DNMT3A: variants seen among roughly 807,000 people sequenced by gnomAD.
The protein encoded by DNMT3A is DNA (cytosine-5)-methyltransferase 3A.
DNMT3A carries 267 observed loss-of-function variants against 117.6 expected under a neutral mutation model. That is an observed-to-expected ratio of 2.27 (90% CI 2.05 to 2.51). The LOEUF (loss-of-function observed/expected upper bound fraction) is 2.51. Among genes scored for constraint, DNMT3A ranks in the 30% most tolerant of loss-of-function variants. The pLI, the probability that DNMT3A is intolerant of heterozygous loss-of-function variation, is 0.00. For synonymous variants in DNMT3A, 432 were observed against 474.8 expected (o/e 0.91, Z 1.17); for missense variants, 1,029 against 1,260.2 (o/e 0.82, Z 2.78).
chr2:25,268,796 C>T (rs563890786), intron 6 of DNMT3A, among the ~76,000 whole-genome samples: 40 of 152,306 alleles, frequency 2.6e-4, no homozygotes, highest in African/African-American at 9.4e-4. Context: ...GGAAAAACCA[C>T]CTCGAAATCA....
chr2:25,308,630 C>T (rs1039973897), intron 2 of DNMT3A, among the ~76,000 whole-genome samples: 23 of 151,972 alleles, frequency 1.5e-4, no homozygotes, highest in African/African-American at 5.1e-4. Context: ...GAGGGTGCAG[C>T]GGCTTTTCTA....
chr2:25,273,631 G>A (rs2031137760), intron 6 of DNMT3A, among the ~76,000 whole-genome samples: 1 of 152,074 alleles, frequency 6.6e-6, no homozygotes, highest in Admixed American at 6.5e-5. Flanking sequence ...ATTGTGCGTG[G>A]CGAGTTGATT....
At position 25,294,822 on chromosome 2, in the gene DNMT3A, G is replaced by T. The variant is rs1243568627; in HGVS notation, c.177+5317C>A. ...GGACTGGCTCACTCCTGCGGTGTTGGAGGGTCAGCCCTAACACCAGCTTGG... is the reference window on the plus strand; with the variant it reads ...GGACTGGCTCACTCCTGCGGTGTTGTAGGGTCAGCCCTAACACCAGCTTGG... On this transcript the variant is annotated intron_variant, in intron 3 of 22. Coordinates refer to ENST00000321117, the MANE Select transcript of DNMT3A (RefSeq NM_022552.5). This position sits in a 1 kb window ranked among gnomAD's most constrained non-coding sequence, Gnocchi z 4.7. Among the ~76,000 whole-genome samples, 1 of 152,186 alleles carries T rather than the reference G, an allele frequency of 6.6e-6. No homozygotes were observed. Among genetic ancestry groups the T allele is most frequent in the Non-Finnish European group, 1.5e-5 (1 of 68,024 alleles).
intron 5 of DNMT3A, 80 bp downstream of exon 5, chr2:25,275,420 C>A: frequency 2.8e-6 from 4 of 1,453,548 alleles, no homozygotes; most frequent in Non-Finnish European, 3.7e-6. Context: ...GCCCACCCTC[C>A]GCCCCCTCAC....
rs61521265 is a variant in DNMT3A at position 25,326,108 on chromosome 2, A to ATGTGTGTGTGTG, written c.-177-11959_-177-11948dup. 7.5e-3 allele frequency among the ~76,000 whole-genome samples: 1,070 copies of ATGTGTGTGTGTG among 142,332 alleles called. 13 individuals are homozygous for ATGTGTGTGTGTG. The highest frequency in any genetic ancestry group is 0.02 in the African/African-American group (760 of 38,000). The allele number at this position is 142,332 out of a possible 152,430, so 93.4% of individuals were successfully genotyped here. A position where few individuals can be genotyped will look rare whatever the true frequency, so the allele number is the denominator to read the frequency against. Reference sequence around the variant, plus strand: ...CACATTTTCTATTAACTTGATATATATGTGTGTGTGTGTGTGTGTGTGTGT... The same window carrying ATGTGTGTGTGTG: ...CACATTTTCTATTAACTTGATATATATGTGTGTGTGTGTGTGTGTGTGTGTGTGTGTGTGTGT... On this transcript the variant is annotated intron_variant, in intron 1 of 22. Transcript: ENST00000321117.
chr2:25,246,884 G>A (rs1261895115), intron 9 of DNMT3A, 108 bp from the exon 10 acceptor site: 2 of 1,537,842 alleles, frequency 1.3e-6, no homozygotes, highest in East Asian at 2.3e-5. Context: ...GCAAGATGGG[G>A]AGGAACCGCT....
intron 2 of DNMT3A, 135 bp downstream of exon 2, chr2:25,313,778 T>C: frequency 7.5e-7 from 1 of 1,330,468 alleles, no homozygotes; most frequent in Non-Finnish European, 1.0e-6. Context: ...AACAGGGATG[T>C]GATGGTCCCA....
intron 3 of DNMT3A, among the ~76,000 whole-genome samples, chr2:25,291,468 G>A (rs557824274): frequency 3.3e-5 from 5 of 152,364 alleles, no homozygotes; most frequent in African/African-American, 1.2e-4. Flanking sequence ...CCCTTGCTCG[G>A]CCTTCCTGGG....
intron 17 of DNMT3A, 96 bp from the exon 18 acceptor site, chr2:25,240,826 T>C (rs1406035886): frequency 7.8e-7 from 1 of 1,280,708 alleles, no homozygotes. Context: ...AAAGAAGTCC[T>C]TTGACACGAA....
In DNMT3A at chr2:25,234,348, G is replaced by GCCCA. The variant is rs1558651157; in HGVS notation, c.2666_2669dup (p.Arg891GlyfsTer31). 1 of 1,614,132 alleles carries GCCCA rather than the reference G, an allele frequency of 6.2e-7. No individual in the cohort carries two copies. The highest frequency in any genetic ancestry group is 8.5e-7 in the Non-Finnish European group (1 of 1,180,012). On this transcript the variant is annotated frameshift_variant, in exon 23 of 23. Transcript: ENST00000321117. LOFTEE classifies it high-confidence loss of function. The surrounding 1 kb of genome is among the most constrained non-coding windows in gnomAD (Gnocchi z 4.5). ...GGATGACTGGCACGCTCCATGACCG[G>GCCCA]CCCAGCAGTCTCTGCCTCGCCAAGC...
Position 25,282,209 on chromosome 2 carries a change from A to G in DNMT3A, c.448+232T>C. 8.1e-7 allele frequency: 1 copy of G among 1,241,902 alleles called. No individual in the cohort carries two copies. The highest frequency in any genetic ancestry group is 1.0e-6 in the Non-Finnish European group (1 of 986,962). The allele number at this position is 1,241,902 out of a possible 1,614,324, so 76.9% of individuals were successfully genotyped here. A position where few individuals can be genotyped will look rare whatever the true frequency, so the allele number is the denominator to read the frequency against. Reference sequence around the variant, plus strand: ...CCAGATTTTTATGTGAAATTTTTTGATTTTTAAATACTGGCAACTAATTTT... The same window carrying G: ...CCAGATTTTTATGTGAAATTTTTTGGTTTTTAAATACTGGCAACTAATTTT... On this transcript the variant is annotated intron_variant, in intron 4 of 22. Transcript: ENST00000321117. The surrounding 1 kb of genome is among the most constrained non-coding windows in gnomAD (Gnocchi z 5.2).
In DNMT3A at chr2:25,282,570, C is replaced by T. The variant is rs2149379144; in HGVS notation, c.319G>A (p.Ala107Thr). 1 of 1,613,592 alleles carries T rather than the reference C, an allele frequency of 6.2e-7. No individual in the cohort carries two copies. Among genetic ancestry groups the T allele is most frequent in the Non-Finnish European group, 8.5e-7 (1 of 1,179,990 alleles). The stretch of plus-strand genomic sequence containing the variant: ...GGGGCCCCGCCCTTCTGCCCCCCAG[C>T]AGGGCTCCCCTCCTCTGGCTGGGGC... ...SEPQPEEGSPAGGQKGGAPAE... is the reference protein window; with the variant it reads ...SEPQPEEGSPTGGQKGGAPAE... Residue 107 changes from alanine (A) to threonine (T), a missense_variant, in exon 4 of 23, where the codon GCT becomes ACT. By Grantham distance (58) the Ala-to-Thr change is moderately conservative. Transcript: ENST00000321117. The surrounding 1 kb of genome is among the most constrained non-coding windows in gnomAD (Gnocchi z 5.2).
chr2:25,297,134 C>T (rs909178192), intron 3 of DNMT3A, among the ~76,000 whole-genome samples: 2 of 152,298 alleles, frequency 1.3e-5, no homozygotes, highest in South Asian at 4.1e-4. Flanking sequence ...AAGGGCTGAG[C>T]CTTGGCTGCA....
rs1310189773 is a variant in DNMT3A, at chr2:25,339,792, G to GC, written c.-178+2033dup. Reference sequence around the variant, plus strand: ...CCAAAGAGGGTCCCCGGGATGCCTGGCCCCCCAAATCCCACAGGCCAGTCC... The same window carrying GC: ...CCAAAGAGGGTCCCCGGGATGCCTGGCCCCCCCAAATCCCACAGGCCAGTCC... On this transcript the variant is annotated intron_variant, in intron 1 of 22. Transcript: ENST00000321117. This position sits in a 1 kb window ranked among gnomAD's most constrained non-coding sequence, Gnocchi z 4.9. Among the ~76,000 whole-genome samples, 2 of 152,304 alleles carry GC rather than the reference G, an allele frequency of 1.3e-5. No homozygotes were observed. The highest frequency in any genetic ancestry group is 3.9e-4 in the East Asian group (2 of 5,188).
At position 25,282,840 on chromosome 2, in the gene DNMT3A, A is replaced by G. The variant is rs963261644; in HGVS notation, c.178-129T>C. On this transcript the variant is annotated intron_variant, in intron 3 of 22. Coordinates refer to ENST00000321117, the MANE Select transcript of DNMT3A (RefSeq NM_022552.5). This position sits in a 1 kb window ranked among gnomAD's most constrained non-coding sequence, Gnocchi z 5.2. ...CTGTCCAGAAACTGTGTTCATATAA[A>G]CCTTCATGCAAACAGATACATTCAC... The G allele has an allele frequency of 2.1e-5, 25 of 1,172,268 alleles. No individual in the cohort carries two copies. Among genetic ancestry groups the G allele is most frequent in the Non-Finnish European group, 2.8e-5 (24 of 869,176 alleles). 72.6% of individuals were successfully genotyped at this position (1,172,268 alleles called of 1,614,324 possible).
chr2:25,251,948 C>G, intron 6 of DNMT3A: 1 of 496,196 alleles, frequency 2.0e-6, no homozygotes, highest in Non-Finnish European at 3.5e-6. Context: ...TCTTCCTGTC[C>G]CCCGAGGGCG....
At position 25,282,845 on chromosome 2, in the gene DNMT3A, C is replaced by A; in HGVS notation, c.178-134G>T. 8.8e-7 allele frequency: 1 copy of A among 1,132,848 alleles called. No individual in the cohort carries two copies. The highest frequency in any genetic ancestry group is 1.2e-6 in the Non-Finnish European group (1 of 836,216). 70.2% of individuals were successfully genotyped at this position (1,132,848 alleles called of 1,614,324 possible). A position where few individuals can be genotyped will look rare whatever the true frequency, so the allele number is the denominator to read the frequency against. On this transcript the variant is annotated intron_variant, in intron 3 of 22. Coordinates refer to ENST00000321117, the MANE Select transcript of DNMT3A (RefSeq NM_022552.5). This position sits in a 1 kb window ranked among gnomAD's most constrained non-coding sequence, Gnocchi z 5.2. ...CAGAAACTGTGTTCATATAAACCTTCATGCAAACAGATACATTCACAATTT... is the reference window on the plus strand; with the variant it reads ...CAGAAACTGTGTTCATATAAACCTTAATGCAAACAGATACATTCACAATTT...
chr2:25,283,075 T>C (rs1463307830), intron 3 of DNMT3A, among the ~76,000 whole-genome samples: 5 of 151,984 alleles, frequency 3.3e-5, no homozygotes, highest in South Asian at 2.1e-4. Flanking sequence ...AAAAAAGAAA[T>C]GCTCCGGCCA....
At chr2:25,340,819 C>G (rs1395146048) in intron 1 of DNMT3A, among the ~76,000 whole-genome samples, 1 of 149,102 alleles carries the variant, frequency 6.7e-6, no homozygotes, top group Non-Finnish European at 1.5e-5. Flanking sequence ...CTCCCGGTCC[C>G]GGCCCCGCTA....
Sources: gnomAD v4.1 joint callset for allele counts (sites outside exome capture counted in the v4.1 genomes callset) on GRCh38, gnomAD v4.1.1 for gene constraint, Gnocchi (gnomAD v3.1) non-coding constraint, MANE v1.5 for transcripts, NCBI Gene and HGNC (gene_info 2026-07-23, HGNC 2026-07-21) for gene names.